Variants in ACOX3 observed in about 807,000 individuals in gnomAD.
ACOX3 encodes acyl-CoA oxidase 3, pristanoyl, also known as peroxisomal acyl-coenzyme A oxidase 3.
Under a neutral mutation model 81.5 loss-of-function variants are expected in ACOX3, and 73 were observed. That is an observed-to-expected ratio of 0.90 (90% CI 0.74 to 1.09). The LOEUF (loss-of-function observed/expected upper bound fraction) is 1.09. ACOX3 is among the 50% of genes least tolerant of loss of function. ACOX3 has a pLI of 0.00. For missense variants in ACOX3, 947 were observed against 928.0 expected (o/e 1.02, Z -0.27); for synonymous variants, 387 against 375.1 (o/e 1.03, Z -0.37).
chr4:8,440,028 G>A (rs1472467923), intron 1 of ACOX3, among the ~76,000 whole-genome samples: 1 of 152,294 alleles, frequency 6.6e-6, no homozygotes, highest in Non-Finnish European at 1.5e-5. Context: ...ATCAACCCCC[G>A]ACCTAAACTA....
At chr4:8,427,116 G>A (rs1723566166) in intron 1 of ACOX3, among the ~76,000 whole-genome samples, 1 of 152,172 alleles carries the variant, frequency 6.6e-6, no homozygotes, top group Non-Finnish European at 1.5e-5. Context: ...CATGGGGCTT[G>A]TAACTCAGCT....
Position 8,389,231 on chromosome 4 carries a change from G to C in ACOX3, c.1479C>G (p.Pro493=), listed in dbSNP as rs113402127. Residue 493 remains proline (P), a synonymous_variant, in exon 13 of 18, where the codon CCC becomes CCG. Coordinates refer to ENST00000356406, the MANE Select transcript of ACOX3 (RefSeq NM_003501.3). This position sits in a 1 kb window ranked among gnomAD's most constrained non-coding sequence, Gnocchi z 5.3. ...LKSVDFLDAY[P]GILDQKFEVS... The stretch of plus-strand genomic sequence containing the variant: ...CCTCAAACTTCTGGTCAAGGATGCC[G>C]GGATAGGCGTCCAGAAAGTCCACTG... 1.1e-5 allele frequency: 17 copies of C among 1,613,890 alleles called. No individual in the cohort carries two copies. Among genetic ancestry groups the C allele is most frequent in the African/African-American group, 9.3e-5 (7 of 75,030 alleles).
At chr4:8,371,580 C>T (rs1393302853) in intron 16 of ACOX3, among the ~76,000 whole-genome samples, 1 of 152,276 alleles carries the variant, frequency 6.6e-6, no homozygotes, top group African/African-American at 2.4e-5. Context: ...CGTGGCTACA[C>T]TGCATAGAAC....
At chr4:8,402,946 G>A (rs1202350385) in intron 7 of ACOX3, among the ~76,000 whole-genome samples, 3 of 152,136 alleles carry the variant, frequency 2.0e-5, no homozygotes, top group African/African-American at 4.8e-5. Context: ...CAGCCAAGCC[G>A]CCAGAGCAGG....
In ACOX3 at chr4:8,381,178, A is replaced by T. The variant is rs1717596875; in HGVS notation, c.1653+314T>A. 6.6e-6 allele frequency among the ~76,000 whole-genome samples: 1 copy of T among 152,144 alleles called. No homozygotes were observed. The highest frequency in any genetic ancestry group is 2.4e-5 in the African/African-American group (1 of 41,446). On this transcript the variant is annotated intron_variant, in intron 14 of 17. Coordinates refer to ENST00000356406, the MANE Select transcript of ACOX3 (RefSeq NM_003501.3). The surrounding 1 kb of genome is among the most constrained non-coding windows in gnomAD (Gnocchi z 4.3). ...GGAGGGAGTGCTCTGAGTGCCCGCA[A>T]TGGTGTCTCCGCCACTCTGTGCATC... is the stretch of plus-strand genomic sequence containing the variant.
chr4:8,395,001 G>T, intron 9 of ACOX3: 1 of 360,630 alleles, frequency 2.8e-6, no homozygotes, highest in Non-Finnish European at 5.2e-6. Context: ...ATTCACAGCT[G>T]TCCCATCAAA....
intron 9 of ACOX3, among the ~76,000 whole-genome samples, chr4:8,395,504 G>T (rs1484134501): frequency 6.6e-6 from 1 of 152,232 alleles, no homozygotes; most frequent in Non-Finnish European, 1.5e-5. Flanking sequence ...CAAGAGTGCT[G>T]AGCAGACATG....
Position 8,418,598 on chromosome 4 carries a change from C to T in ACOX3, c.-14-2063G>A, listed in dbSNP as rs554627315. Among the ~76,000 whole-genome samples, 5 of 152,318 alleles carry T rather than the reference C, an allele frequency of 3.3e-5. No homozygotes were observed. The East Asian group carries it at 9.6e-4, about 29-fold the overall frequency. ...AAAAATACAGGAAAGGCCAGGCACG[C>T]TCACACCTGTAATCCCTTTGGGAGG... On this transcript the variant is annotated intron_variant, in intron 1 of 17. Transcript: ENST00000356406.
chr4:8,401,220 C>A (rs1159694885), intron 7 of ACOX3, among the ~76,000 whole-genome samples: 1 of 152,082 alleles, frequency 6.6e-6, no homozygotes, highest in Non-Finnish European at 1.5e-5. Context: ...CCGATGCTCA[C>A]CTCCTGCTGG....
chr4:8,434,314 G>C (rs1399495921), intron 1 of ACOX3, among the ~76,000 whole-genome samples: 1 of 152,176 alleles, frequency 6.6e-6, no homozygotes, highest in Non-Finnish European at 1.5e-5. Flanking sequence ...AGTGCTTCCG[G>C]CCGAATAAAC....
intron 6 of ACOX3, among the ~76,000 whole-genome samples, chr4:8,409,556 T>TA (rs1721447230): frequency 7.1e-6 from 1 of 139,974 alleles, no homozygotes. Flanking sequence ...GGGAGGGCTG[T>TA]GGGATACACT....
chr4:8,366,090 C>T (rs1005451973), downstream of ACOX3, among the ~76,000 whole-genome samples: 4 of 152,162 alleles, frequency 2.6e-5, no homozygotes, highest in South Asian at 2.1e-4. Flanking sequence ...AAAGACAGAA[C>T]TGCTCCGGGA....
chr4:8,389,711 C>A lies in ACOX3; in HGVS notation c.1324G>T (p.Asp442Tyr). ...TATGTGCAGTTGGGATCGTTGTCAT[C>A]TCTAAGGACACCCAACCGGTTCACT... is the stretch of plus-strand genomic sequence containing the variant. Reference protein sequence around the residue: ...LAMNRLGVLRDDNDPNCTYEG... With the variant: ...LAMNRLGVLRYDNDPNCTYEG... Residue 442 changes from aspartate to tyrosine, a missense_variant, in exon 12 of 18, where the codon GAT (aspartate) becomes TAT (tyrosine). Physicochemically the swap from Asp to Tyr is radical, Grantham distance 160. Coordinates refer to ENST00000356406, the MANE Select transcript of ACOX3 (RefSeq NM_003501.3). The surrounding 1 kb of genome is among the most constrained non-coding windows in gnomAD (Gnocchi z 5.3). 1 of 1,614,070 alleles carries A rather than the reference C, an allele frequency of 6.2e-7. No individual in the cohort carries two copies.
chr4:8,355,687 G>A, the ACOX3 span: 1 of 152,138 alleles, frequency 6.6e-6, no homozygotes, highest in Non-Finnish European at 1.5e-5. Context: ...AGGCATTTCT[G>A]ATTTAAAAAT....
At chr4:8,418,992 A>C (rs1331997153) in intron 1 of ACOX3, among the ~76,000 whole-genome samples, 1 of 89,074 alleles carries the variant, frequency 1.1e-5, no homozygotes, top group African/African-American at 6.4e-5. Context: ...GATGGCAATG[A>C]GCAAAAAGAT....
chr4:8,367,032 C>A lies in ACOX3; in HGVS notation c.2032G>T (p.Glu678Ter), dbSNP rs1715534021. ...AACTCTGGCCACCAGGATGCCCGCT[C>A]CAACACCTTGCTTTCCTGCAGGACA... is the stretch of plus-strand genomic sequence containing the variant. ...GAVLQESKVL[E>*]RASWWPEFSV... is the part of the protein sequence containing the mutation. Residue 678 changes from glutamate to a stop codon, truncating the protein, a stop_gained, in exon 18 of 18, where the codon GAG becomes TAG. Transcript: ENST00000356406. LOFTEE classifies it low-confidence loss of function (END_TRUNC). 6.2e-7 allele frequency: 1 copy of A among 1,614,034 alleles called. No individual in the cohort carries two copies.
intron 9 of ACOX3, 94 bp downstream of exon 9, chr4:8,396,843 A>T: frequency 6.9e-7 from 1 of 1,448,692 alleles, no homozygotes; most frequent in Non-Finnish European, 9.5e-7. Context: ...AAGAGCTTTG[A>T]TCAACTCCCA....
rs1056079017 is a variant in ACOX3, at chr4:8,405,766, C to G, written c.776+189G>C. ...TTGCTGAGGTCTCTGATCAAGTTGG[C>G]CTCCCAAAGTGGAGTTCAAGCAGGA... On this transcript the variant is annotated intron_variant, in intron 7 of 17. Transcript: ENST00000356406. The surrounding 1 kb of genome is among the most constrained non-coding windows in gnomAD (Gnocchi z 7.1). 2.0e-5 allele frequency among the ~76,000 whole-genome samples: 3 copies of G among 152,194 alleles called. No individual in the cohort carries two copies. Among genetic ancestry groups the G allele is most frequent in the Non-Finnish European group, 4.4e-5 (3 of 68,044 alleles).
At chr4:8,403,882 C>G (rs1720631598) in intron 7 of ACOX3, among the ~76,000 whole-genome samples, 1 of 152,216 alleles carries the variant, frequency 6.6e-6, no homozygotes, top group African/African-American at 2.4e-5. Context: ...CCCGAGGCCA[C>G]CCACTGGATG....
Sources: allele counts gnomAD v4.1 joint callset (sites outside exome capture counted in the v4.1 genomes callset), GRCh38; gene constraint gnomAD v4.1.1; non-coding constraint Gnocchi (gnomAD v3.1); transcripts MANE v1.5; gene names NCBI Gene and HGNC (gene_info 2026-07-23, HGNC 2026-07-21).